The following CCDC91 variants were observed in gnomAD, a reference collection of about 807,000 sequenced individuals.
CCDC91 encodes coiled-coil domain-containing protein 91.
Under a neutral mutation model 63.2 loss-of-function variants are expected in CCDC91, and 48 were observed. The ratio of observed to expected loss-of-function variants is 0.76; its 90% CI spans 0.60 to 0.97. CCDC91 has a LOEUF of 0.97. Among genes scored for constraint, CCDC91 ranks in the 50% least tolerant of loss-of-function variants. The probability of loss-of-function intolerance (pLI) is 0.00; values close to 1 mark genes in which losing one functional copy is unlikely to be tolerated. For synonymous variants in CCDC91, 167 were observed against 165.8 expected (o/e 1.01, Z -0.06); for missense variants, 500 against 494.6 (o/e 1.01, Z -0.10).
At chr12:28,533,562 G>A (rs1941915308) in intron 12 of CCDC91, among the ~76,000 whole-genome samples, 1 of 151,946 alleles carries the variant, frequency 6.6e-6, no homozygotes, top group South Asian at 2.1e-4. Flanking sequence ...GAGATGTTGT[G>A]ACTATTTGAT....
At chr12:28,488,697 A>T (rs1053281514) in intron 12 of CCDC91, among the ~76,000 whole-genome samples, 1 of 151,922 alleles carries the variant, frequency 6.6e-6, no homozygotes, top group African/African-American at 2.4e-5. Context: ...ATGGATTTAG[A>T]CATTTCCAAT....
intron 12 of CCDC91, among the ~76,000 whole-genome samples, chr12:28,527,644 G>A (rs1941384905): frequency 6.6e-6 from 1 of 152,110 alleles, no homozygotes; most frequent in South Asian, 2.1e-4. Context: ...CATTTGGTAG[G>A]TGGGGCCCCA....
intron 8 of CCDC91, among the ~76,000 whole-genome samples, chr12:28,446,637 A>AT (rs1471574075): frequency 6.6e-6 from 1 of 152,034 alleles, no homozygotes; most frequent in Non-Finnish European, 1.5e-5. Flanking sequence ...TAATTGTTGT[A>AT]TTTTTTTGTA....
intron 8 of CCDC91, among the ~76,000 whole-genome samples, chr12:28,432,492 C>A (rs1045761850): frequency 6.6e-6 from 1 of 152,044 alleles, no homozygotes; most frequent in African/African-American, 2.4e-5. Context: ...GTAAGACTTG[C>A]TTGCTTCCCC....
rs3064712 is a variant in CCDC91 at position 28,250,953 on chromosome 12, A to AGTGT, written c.-14-6216_-14-6213dup. Among the ~76,000 whole-genome samples, 960 of 145,526 alleles carry AGTGT rather than the reference A, an allele frequency of 6.6e-3. 11 individuals are homozygous for AGTGT. Among genetic ancestry groups the AGTGT allele is most frequent in the Middle Eastern group, 0.031 (9 of 288 alleles). On this transcript the variant is annotated intron_variant, in intron 1 of 12. Transcript: ENST00000536442. Reference sequence around the variant, plus strand: ...TTTCTATTTTTAACTTTAAGGTTTGAGTGTGTGTGTGTGTGTGTGTGTGTG... The same window carrying AGTGT: ...TTTCTATTTTTAACTTTAAGGTTTGAGTGTGTGTGTGTGTGTGTGTGTGTGTGTG...
At chr12:28,216,052 G>GT (rs1943544073) in intron 1 of CCDC91, among the ~76,000 whole-genome samples, 6 of 152,006 alleles carry the variant, frequency 3.9e-5, no homozygotes, top group East Asian at 1.9e-4. Flanking sequence ...TTGTTGTTTT[G>GT]TTTTTTTAAG....
At chr12:28,374,323 G>A (rs1225334880) in intron 7 of CCDC91, among the ~76,000 whole-genome samples, 7 of 152,036 alleles carry the variant, frequency 4.6e-5, no homozygotes, top group East Asian at 3.9e-4. Context: ...ACGTCATCTG[G>A]TCGTATTGGA....
At chr12:28,436,544 CTT>C (rs1268084359) in intron 8 of CCDC91, among the ~76,000 whole-genome samples, 1 of 151,606 alleles carries the variant, frequency 6.6e-6, no homozygotes, top group Non-Finnish European at 1.5e-5. Flanking sequence ...AAAAATAAAA[CTT>C]TTAAAATTTT....
At chr12:28,268,537 C>T in intron 3 of CCDC91, 1 of 358,348 alleles carries the variant, frequency 2.8e-6, no homozygotes. Flanking sequence ...TTCTATAACA[C>T]CACATTTTCA....
At chr12:28,532,633 A>G (rs1261840763) in intron 12 of CCDC91, among the ~76,000 whole-genome samples, 1 of 152,082 alleles carries the variant, frequency 6.6e-6, no homozygotes, top group Admixed American at 6.6e-5. Context: ...AGGTATACAT[A>G]GGTTATATCA....
chr12:28,524,747 A>T (rs1396302649), intron 12 of CCDC91, among the ~76,000 whole-genome samples: 4 of 151,780 alleles, frequency 2.6e-5, no homozygotes, highest in African/African-American at 9.7e-5. Context: ...TTTTGTTGGT[A>T]ATTTTTTATT....
At position 28,301,269 on chromosome 12, in the gene CCDC91, T is replaced by C. The variant is rs564484396; in HGVS notation, c.110-4380T>C. Among the ~76,000 whole-genome samples, 14 of 151,764 alleles carry C rather than the reference T, an allele frequency of 9.2e-5. No individual in the cohort carries two copies. In the East Asian group the frequency reaches 1.5e-3, roughly 17 times the overall value. On this transcript the variant is annotated intron_variant, in intron 3 of 12. Coordinates refer to ENST00000536442, the MANE Select transcript of CCDC91 (RefSeq NM_018318.5). ...TCAGTTTCTATTTTCTGATTGTTTT[T>C]AACTGAAATGGGTGTTCAGTTTTAT... is the stretch of plus-strand genomic sequence containing the variant.
chr12:28,191,950 G>C (rs754443007), intron 1 of CCDC91, among the ~76,000 whole-genome samples: 1 of 152,052 alleles, frequency 6.6e-6, no homozygotes, highest in African/African-American at 2.4e-5. Flanking sequence ...TTATGAACTG[G>C]TTTCCTAGCA....
rs553761621 is a variant in CCDC91 at position 28,450,005 on chromosome 12, GT to G, written c.763-149del. On this transcript the variant is annotated intron_variant, in intron 8 of 12. Coordinates refer to ENST00000536442, the MANE Select transcript of CCDC91 (RefSeq NM_018318.5). The stretch of plus-strand genomic sequence containing the variant: ...CTGATTGTAGAAAGATGAATTTAGT[GT>G]TTTTTTCTCCTGAACCTTCGTTTTA... 5.1e-4 allele frequency among the ~76,000 whole-genome samples: 78 copies of G among 151,792 alleles called. 1 individual carries two copies. Among genetic ancestry groups the G allele is most frequent in the African/African-American group, 1.8e-3 (75 of 41,462 alleles).
intron 11 of CCDC91, among the ~76,000 whole-genome samples, chr12:28,472,678 T>C (rs1950882037): frequency 1.3e-5 from 2 of 152,316 alleles, no homozygotes; most frequent in East Asian, 1.9e-4. Context: ...GTATGCTAAA[T>C]ATTTATAGTA....
intron 12 of CCDC91, among the ~76,000 whole-genome samples, chr12:28,497,416 G>GT (rs1952363707): frequency 6.6e-6 from 1 of 151,528 alleles, no homozygotes. Flanking sequence ...AAGTATACAG[G>GT]TTTTTTGGTA....
intron 6 of CCDC91, among the ~76,000 whole-genome samples, chr12:28,344,872 G>C (rs895253383): frequency 1.3e-5 from 2 of 152,096 alleles, no homozygotes; most frequent in African/African-American, 2.4e-5. Context: ...CCAGTAGACA[G>C]AGAAGGCATC....
intron 6 of CCDC91, among the ~76,000 whole-genome samples, chr12:28,361,808 C>T (rs1207337244): frequency 3.7e-5 from 5 of 136,696 alleles, no homozygotes; most frequent in Non-Finnish European, 1.5e-5. Context: ...TGATAACTAG[C>T]ATCGAAACCA....
intron 8 of CCDC91, among the ~76,000 whole-genome samples, chr12:28,421,275 G>A (rs982389323): frequency 6.6e-6 from 1 of 151,996 alleles, no homozygotes; most frequent in African/African-American, 2.4e-5. Flanking sequence ...GTTGTGTGTC[G>A]TGGGGATTTG....
Sources: gnomAD v4.1 joint callset for allele counts (sites outside exome capture counted in the v4.1 genomes callset) on GRCh38, gnomAD v4.1.1 for gene constraint, MANE v1.5 for transcripts, NCBI Gene and HGNC (gene_info 2026-07-23, HGNC 2026-07-21) for gene names.